Variants in METTL25 observed in about 807,000 individuals in gnomAD.
METTL25 encodes probable methyltransferase-like protein 25.
A neutral mutation model predicts 71.6 loss-of-function variants in METTL25; 64 were observed. The observed-to-expected ratio is 0.89, with a 90% CI of 0.73 to 1.10. The LOEUF (loss-of-function observed/expected upper bound fraction) is 1.10. Among genes scored for constraint, METTL25 ranks in the 50% least tolerant of loss-of-function variants. METTL25 has a pLI of 0.00. For synonymous variants in METTL25, 287 were observed against 250.3 expected (o/e 1.15, Z -1.38); for missense variants, 807 against 707.0 (o/e 1.14, Z -1.60).
chr12:82,417,757 G>A (rs181975555), intron 5 of METTL25, among the ~76,000 whole-genome samples: 1 of 152,232 alleles, frequency 6.6e-6, no homozygotes, highest in East Asian at 1.9e-4. Context: ...ACATCAGATG[G>A]TGATAAGTAC....
chr12:82,476,167 A>G (rs1892867186), intron 9 of METTL25: 1 of 152,760 alleles, frequency 6.5e-6, no homozygotes, highest in South Asian at 2.1e-4. Flanking sequence ...AGAAAAAGAA[A>G]TAAAAGTAAT....
intron 5 of METTL25, among the ~76,000 whole-genome samples, chr12:82,405,351 G>A (rs543918303): frequency 6.6e-6 from 1 of 152,234 alleles, no homozygotes; most frequent in East Asian, 1.9e-4. Flanking sequence ...TTGCGTTGCT[G>A]TGGATTGTGA....
At chr12:82,371,121 A>G (rs1679272568) in intron 1 of METTL25, among the ~76,000 whole-genome samples, 1 of 152,262 alleles carries the variant, frequency 6.6e-6, no homozygotes, top group South Asian at 2.1e-4. Context: ...AGGCTGTCCC[A>G]GGATTCCTCA....
intron 6 of METTL25, among the ~76,000 whole-genome samples, chr12:82,433,431 C>T (rs1889675108): frequency 6.6e-6 from 1 of 151,622 alleles, no homozygotes; most frequent in South Asian, 2.1e-4. Flanking sequence ...GTATTCGTAA[C>T]ATTCTACTTG....
intron 3 of METTL25, among the ~76,000 whole-genome samples, chr12:82,392,092 AT>A (rs1338225438): frequency 6.7e-6 from 1 of 148,326 alleles, no homozygotes; most frequent in Non-Finnish European, 1.5e-5. Context: ...TTATTTATTT[AT>A]TTTTTATTTA....
At chr12:82,421,739 C>G (rs1266608070) in intron 5 of METTL25, among the ~76,000 whole-genome samples, 1 of 152,146 alleles carries the variant, frequency 6.6e-6, no homozygotes, top group Non-Finnish European at 1.5e-5. Flanking sequence ...CACAGAAATA[C>G]AAACTACCAT....
At chr12:82,447,364 A>G (rs566803637) in intron 8 of METTL25, among the ~76,000 whole-genome samples, 3 of 152,200 alleles carry the variant, frequency 2.0e-5, no homozygotes, top group Non-Finnish European at 4.4e-5. Flanking sequence ...AGAAGAATGG[A>G]TAAATTGTAT....
At chr12:82,470,741 TGAA>T (rs1892523719) in intron 9 of METTL25, among the ~76,000 whole-genome samples, 1 of 152,236 alleles carries the variant, frequency 6.6e-6, no homozygotes, top group Admixed American at 6.5e-5. Context: ...TTCAGAAAGT[TGAA>T]GGGTCTTTTT....
chr12:82,478,879 A>G, intron 11 of METTL25, 53 bp from the exon 12 acceptor site: 3 of 1,415,402 alleles, frequency 2.1e-6, no homozygotes, highest in Non-Finnish European at 3.0e-6. Flanking sequence ...ACTCGCGTCT[A>G]ATTTTTTTCT....
At chr12:82,464,561 G>A (rs555899235) in intron 9 of METTL25, among the ~76,000 whole-genome samples, 1 of 151,994 alleles carries the variant, frequency 6.6e-6, no homozygotes, top group African/African-American at 2.4e-5. Flanking sequence ...TTCCAGCTTT[G>A]TTCTTTTGGT....
intron 1 of METTL25, among the ~76,000 whole-genome samples, chr12:82,377,173 T>C (rs183277383): frequency 1.3e-5 from 2 of 152,302 alleles, no homozygotes; most frequent in African/African-American, 4.8e-5. Context: ...TTGTTTTTAG[T>C]CTTTTTTTCT....
intron 1 of METTL25, among the ~76,000 whole-genome samples, chr12:82,386,497 C>CCCATCCTCCCTG (rs1260372188): frequency 1.4e-5 from 2 of 142,142 alleles, no homozygotes; most frequent in Non-Finnish European, 3.1e-5. Context: ...CTTCCTCCCT[C>CCCATCCTCCCTG]CCTTCCTTCC....
intron 3 of METTL25, among the ~76,000 whole-genome samples, chr12:82,390,272 T>A (rs1049732786): frequency 1.3e-5 from 2 of 152,094 alleles, no homozygotes; most frequent in African/African-American, 4.8e-5. Flanking sequence ...TGTTTGCTGC[T>A]AGATGTTTTC....
intron 8 of METTL25, among the ~76,000 whole-genome samples, chr12:82,441,782 A>G (rs1461079146): frequency 7.1e-6 from 1 of 140,114 alleles, no homozygotes; most frequent in Non-Finnish European, 1.5e-5. Context: ...CTGCCATACT[A>G]TAGCAAAAAA....
intron 5 of METTL25, among the ~76,000 whole-genome samples, chr12:82,418,063 A>G (rs541821409): frequency 3.0e-4 from 45 of 152,316 alleles, no homozygotes; most frequent in African/African-American, 1.1e-3. Flanking sequence ...TCCATATGGA[A>G]GGTGGCGATA....
intron 7 of METTL25, among the ~76,000 whole-genome samples, chr12:82,438,159 A>G (rs1890058251): frequency 6.6e-6 from 1 of 151,746 alleles, no homozygotes; most frequent in Non-Finnish European, 1.5e-5. Context: ...CATTGTCAAG[A>G]GTGCAATCTC....
At chr12:82,405,832 G>T (rs1887044050) in intron 5 of METTL25, among the ~76,000 whole-genome samples, 1 of 152,148 alleles carries the variant, frequency 6.6e-6, no homozygotes, top group Admixed American at 6.5e-5. Context: ...TCAGTACTAA[G>T]CACATTCACT....
intron 9 of METTL25, among the ~76,000 whole-genome samples, chr12:82,470,129 A>G (rs1892484484): frequency 6.6e-6 from 1 of 152,206 alleles, no homozygotes; most frequent in African/African-American, 2.4e-5. Flanking sequence ...CTGAGAAGAC[A>G]GAAATAGGAT....
intron 1 of METTL25, among the ~76,000 whole-genome samples, chr12:82,381,702 G>A (rs1173964790): frequency 1.3e-5 from 2 of 152,136 alleles, no homozygotes; most frequent in African/African-American, 4.8e-5. Context: ...TTAGCTTTCG[G>A]TTAAGCTGTA....
Sources: gnomAD v4.1 joint callset for allele counts (sites outside exome capture counted in the v4.1 genomes callset) on GRCh38, gnomAD v4.1.1 for gene constraint, MANE v1.5 for transcripts, NCBI Gene and HGNC (gene_info 2026-07-23, HGNC 2026-07-21) for gene names.